Variants in CEP112 observed in about 807,000 individuals in gnomAD.
CEP112 encodes the protein centrosomal protein of 112 kDa.
CEP112 carries 127 observed loss-of-function variants against 153.0 expected under a neutral mutation model. The ratio of observed to expected loss-of-function variants is 0.83; its 90% CI spans 0.72 to 0.96. CEP112 has a LOEUF of 0.96. CEP112 is among the 40% of genes least tolerant of loss of function. CEP112 has a pLI of 0.00. For synonymous variants in CEP112, 358 were observed against 374.4 expected, an observed-to-expected ratio of 0.96 and a Z score of 0.51; for missense variants, 1,089 against 1,101.2, an observed-to-expected ratio of 0.99 and a Z score of 0.16.
intron 24 of CEP112, among the ~76,000 whole-genome samples, chr17:65,670,573 T>C (rs554772769): frequency 1.4e-4 from 21 of 152,276 alleles, no homozygotes; most frequent in Admixed American, 8.5e-4. Context: ...CTCCAAAATA[T>C]CACAGCTCAC....
intron 21 of CEP112, among the ~76,000 whole-genome samples, chr17:65,783,762 G>A (rs1267522558): frequency 6.6e-6 from 1 of 152,174 alleles, no homozygotes. Context: ...AAGGTGTCCA[G>A]TTGGCTCTGT....
chr17:66,115,033 T>G (rs1333442250), intron 6 of CEP112, among the ~76,000 whole-genome samples: 1 of 151,900 alleles, frequency 6.6e-6, no homozygotes, highest in Non-Finnish European at 1.5e-5. Flanking sequence ...GGTGAAACCC[T>G]GTCTCTACTA....
At chr17:65,653,375 T>C (rs1166955926) in intron 24 of CEP112, among the ~76,000 whole-genome samples, 2 of 152,246 alleles carry the variant, frequency 1.3e-5, no homozygotes, top group African/African-American at 4.8e-5. Context: ...CCTTGTGGAT[T>C]ATTCAGAAAC....
At chr17:66,164,809 C>T (rs975610158) in intron 4 of CEP112, among the ~76,000 whole-genome samples, 4 of 151,042 alleles carry the variant, frequency 2.6e-5, no homozygotes, top group African/African-American at 7.3e-5. Context: ...GAGCCGAGAT[C>T]GTGCCATTGC....
intron 9 of CEP112, among the ~76,000 whole-genome samples, chr17:66,067,623 TC>T (rs890497064): frequency 2.0e-5 from 3 of 152,106 alleles, no homozygotes; most frequent in African/African-American, 2.4e-5. Context: ...ATAAATGGTT[TC>T]CCCCCAAACT....
At chr17:65,976,759 CA>C (rs1201325493) in intron 17 of CEP112, among the ~76,000 whole-genome samples, 2 of 96,602 alleles carry the variant, frequency 2.1e-5, no homozygotes, top group Non-Finnish European at 4.0e-5. Flanking sequence ...TTTTTTGAGA[CA>C]GAGAGTCTCA....
intron 18 of CEP112, among the ~76,000 whole-genome samples, chr17:65,937,230 G>C (rs1432931961): frequency 1.6e-5 from 2 of 124,976 alleles, no homozygotes; most frequent in Non-Finnish European, 3.4e-5. Flanking sequence ...CCTCTGCCCG[G>C]CCGCCACCCC....
intron 21 of CEP112, among the ~76,000 whole-genome samples, chr17:65,811,366 C>CA (rs2145910966): frequency 6.6e-6 from 1 of 152,250 alleles, no homozygotes; most frequent in African/African-American, 2.4e-5. Context: ...GTAAGTCCCA[C>CA]AGGGCAAAAA....
chr17:66,027,440 G>A (rs2065261638), intron 16 of CEP112, 61 bp downstream of exon 16: 4 of 1,270,772 alleles, frequency 3.1e-6, no homozygotes. Context: ...ATAAAAATCA[G>A]TCTGCATTAA....
intron 1 of CEP112, among the ~76,000 whole-genome samples, chr17:66,190,229 A>T (rs1164721974): frequency 6.6e-6 from 1 of 152,088 alleles, no homozygotes; most frequent in East Asian, 1.9e-4. Flanking sequence ...GAATCGCTTG[A>T]ACCTGGGAGG....
rs2072795002 is a variant in CEP112 at position 66,183,360 on chromosome 17, A to C, written c.-8-53T>G. On this transcript the variant is annotated intron_variant, in intron 1 of 26. Transcript: ENST00000535342. ...AAGGATTTGTATGCTGAAAACTACA[A>C]AACTCTGATGAGAAAGATAAAAAAA... 14 of 1,242,256 alleles carry C rather than the reference A, an allele frequency of 1.1e-5. No individual in the cohort carries two copies. The East Asian group carries it at 2.1e-4, about 19-fold the overall frequency. 77.0% of individuals were successfully genotyped at this position (1,242,256 alleles called of 1,614,324 possible). A position where few individuals can be genotyped will look rare whatever the true frequency, so the allele number is the denominator to read the frequency against.
intron 8 of CEP112, among the ~76,000 whole-genome samples, chr17:66,080,489 C>T (rs369684034): frequency 2.0e-5 from 3 of 152,108 alleles, no homozygotes; most frequent in East Asian, 3.8e-4. Flanking sequence ...GTTAGAATGG[C>T]CATCATTAAA....
intron 3 of CEP112, among the ~76,000 whole-genome samples, chr17:66,175,869 A>G (rs567327984): frequency 2.0e-5 from 3 of 152,274 alleles, no homozygotes; most frequent in African/African-American, 7.2e-5. Flanking sequence ...AAAATGTTCT[A>G]CCTTTACACG....
chr17:65,959,776 G>T (rs1339840335), intron 18 of CEP112, among the ~76,000 whole-genome samples: 1 of 152,196 alleles, frequency 6.6e-6, no homozygotes, highest in Non-Finnish European at 1.5e-5. Context: ...ACCCACTGCA[G>T]CAGGTGGCAT....
intron 23 of CEP112, among the ~76,000 whole-genome samples, chr17:65,730,366 C>T (rs2050432133): frequency 1.3e-5 from 2 of 152,196 alleles, no homozygotes; most frequent in African/African-American, 4.8e-5. Context: ...ATATCCAAGC[C>T]TATCTTCCAG....
intron 21 of CEP112, among the ~76,000 whole-genome samples, chr17:65,832,577 C>G (rs1210105101): frequency 6.6e-6 from 1 of 152,014 alleles, no homozygotes; most frequent in Non-Finnish European, 1.5e-5. Flanking sequence ...ATGAACACCC[C>G]TATGCATACA....
chr17:66,018,932 G>T (rs1289578383), intron 16 of CEP112, among the ~76,000 whole-genome samples: 3 of 152,138 alleles, frequency 2.0e-5, no homozygotes, highest in Non-Finnish European at 4.4e-5. Flanking sequence ...TTATCTGTAG[G>T]GGGCAGGTGT....
At chr17:66,059,651 G>A (rs2066843589) in intron 11 of CEP112, among the ~76,000 whole-genome samples, 1 of 152,148 alleles carries the variant, frequency 6.6e-6, no homozygotes, top group Admixed American at 6.6e-5. Flanking sequence ...AAAAACAACA[G>A]ATGCTGGCAA....
rs3222034 is a variant in CEP112 at position 65,916,250 on chromosome 17, A to AGTGTGTGTGTGTGTGTGT, written c.1980+11314_1980+11331dup. Among the ~76,000 whole-genome samples, 41 of 129,948 alleles carry AGTGTGTGTGTGTGTGTGT rather than the reference A, an allele frequency of 3.2e-4. 1 individual carries two copies. The East Asian group carries it at 4.2e-3, about 13-fold the overall frequency. The allele number at this position is 129,948 out of a possible 152,430, so 85.3% of individuals were successfully genotyped here. A position where few individuals can be genotyped will look rare whatever the true frequency, so the allele number is the denominator to read the frequency against. ...TACCTTAAATTATGTTTTGAAAAAG[A>AGTGTGTGTGTGTGTGTGT]GTGTGTGTGTGTGTGTGTGTGTGTG... On this transcript the variant is annotated intron_variant, in intron 19 of 26. Coordinates refer to ENST00000535342, the MANE Select transcript of CEP112 (RefSeq NM_001199165.4).
Sources: allele counts gnomAD v4.1 joint callset (sites outside exome capture counted in the v4.1 genomes callset), GRCh38; gene constraint gnomAD v4.1.1; transcripts MANE v1.5; gene names NCBI Gene and HGNC (gene_info 2026-07-23, HGNC 2026-07-21).